RPA3: variants seen among roughly 807,000 people sequenced by gnomAD.
RPA3 encodes replication protein A3.
RPA3 carries 24 observed loss-of-function variants against 13.7 expected under a neutral mutation model. The observed-to-expected ratio is 1.75, with a 90% CI of 1.27 to 2.46. The LOEUF (loss-of-function observed/expected upper bound fraction) is 2.46. Ranked by LOEUF, RPA3 falls within the 30% of genes most tolerant of loss-of-function variation. The pLI is 0.00. For synonymous variants in RPA3, 59 were observed against 51.2 expected (o/e 1.15, Z -0.65); for missense variants, 183 against 151.0 (o/e 1.21, Z -1.11).
intron 4 of RPA3, chr7:7,676,302 T>G: frequency 2.5e-6 from 1 of 395,226 alleles, no homozygotes; most frequent in Non-Finnish European, 4.5e-6. Flanking sequence ...AATAAATGAG[T>G]TAATGTGTGT....
At chr7:7,695,981 G>GTTTT (rs34880729) in intron 2 of RPA3, among the ~76,000 whole-genome samples, 9 of 130,732 alleles carry the variant, frequency 6.9e-5, no homozygotes, top group Non-Finnish European at 1.1e-4. Flanking sequence ...GTATATCTCC[G>GTTTT]TTTTTTTTTT....
intron 4 of RPA3, among the ~76,000 whole-genome samples, chr7:7,644,399 A>T (rs1785049536): frequency 3.4e-5 from 5 of 147,912 alleles, no homozygotes; most frequent in East Asian, 2.0e-4. Context: ...ATAGTTAAAC[A>T]TTTTCCCCCT....
rs1357726400 is a variant in RPA3 at position 7,675,530 on chromosome 7, A to G, written c.-758+10300T>C. Reference sequence around the variant, plus strand: ...TACTATGGATCTCCTTTCCCTTTCCAGGAAAGACTAGTTTAAGAAGTAGTC... The same window carrying G: ...TACTATGGATCTCCTTTCCCTTTCCGGGAAAGACTAGTTTAAGAAGTAGTC... On this transcript the variant is annotated intron_variant, in intron 4 of 7. Transcript: ENST00000223129. Among the ~76,000 whole-genome samples the G allele has an allele frequency of 2.0e-5, 3 of 152,256 alleles. 1 individual carries two copies. The highest frequency in any genetic ancestry group is 6.5e-5 in the Admixed American group (1 of 15,286).
At chr7:7,642,551 A>C (rs1411265735) in intron 4 of RPA3, among the ~76,000 whole-genome samples, 1 of 152,122 alleles carries the variant, frequency 6.6e-6, no homozygotes. Flanking sequence ...GACCACTTTT[A>C]AGCAAAGGCT....
intron 5 of RPA3, among the ~76,000 whole-genome samples, chr7:7,639,659 C>T (rs899915181): frequency 6.6e-6 from 1 of 152,196 alleles, no homozygotes; most frequent in Admixed American, 6.5e-5. Context: ...CCACCTACCA[C>T]TCCTACTCAG....
intron 4 of RPA3, among the ~76,000 whole-genome samples, chr7:7,654,700 C>T (rs775694041): frequency 2.6e-5 from 4 of 151,970 alleles, no homozygotes; most frequent in Admixed American, 2.0e-4. Flanking sequence ...GCTAGGAGTT[C>T]GAGACCAGCC....
chr7:7,713,757 G>T lies in RPA3; in HGVS notation c.-1028+1418C>A, dbSNP rs183535274. Among the ~76,000 whole-genome samples the T allele has an allele frequency of 2.0e-3, 300 of 151,930 alleles. 4 individuals are homozygous for T. Among genetic ancestry groups the T allele is most frequent in the African/African-American group, 7.1e-3 (293 of 41,428 alleles). On this transcript the variant is annotated intron_variant, in intron 2 of 7. Transcript: ENST00000223129. ...CCTGTATTTCCCTTTAAATGCTATT[G>T]AGCAGCTTCCAAATTTTAATTTGTA...
intron 4 of RPA3, among the ~76,000 whole-genome samples, chr7:7,684,664 T>C (rs1337980790): frequency 1.3e-5 from 2 of 152,246 alleles, no homozygotes; most frequent in Non-Finnish European, 2.9e-5. Flanking sequence ...ATTAAATTAA[T>C]TATACAATGT....
At chr7:7,680,048 T>G (rs1268067920) in intron 4 of RPA3, among the ~76,000 whole-genome samples, 1 of 152,098 alleles carries the variant, frequency 6.6e-6, no homozygotes, top group Admixed American at 6.6e-5. Flanking sequence ...TAACTTGATG[T>G]AATCCCATTT....
At chr7:7,690,922 T>G (rs1001515810) in intron 2 of RPA3, among the ~76,000 whole-genome samples, 1 of 152,186 alleles carries the variant, frequency 6.6e-6, no homozygotes, top group African/African-American at 2.4e-5. Flanking sequence ...ATTTTAATGT[T>G]TTAGGTCCAG....
At chr7:7,669,057 T>C (rs1250126912) in intron 4 of RPA3, among the ~76,000 whole-genome samples, 1 of 146,500 alleles carries the variant, frequency 6.8e-6, no homozygotes, top group Non-Finnish European at 1.5e-5. Context: ...TACACATATA[T>C]AGACAGTGGC....
intron 7 of RPA3, among the ~76,000 whole-genome samples, chr7:7,637,448 A>T (rs1227202390): frequency 1.3e-5 from 2 of 152,190 alleles, no homozygotes; most frequent in African/African-American, 4.8e-5. Flanking sequence ...TACATATATA[A>T]GCACTACTTA....
intron 4 of RPA3, among the ~76,000 whole-genome samples, chr7:7,662,161 C>G (rs1331810244): frequency 6.6e-6 from 1 of 152,122 alleles, no homozygotes; most frequent in Non-Finnish European, 1.5e-5. Flanking sequence ...CCCTTCCCCC[C>G]ACCAAGCTCG....
chr7:7,708,240 G>A (rs1463240902), intron 2 of RPA3, among the ~76,000 whole-genome samples: 1 of 152,100 alleles, frequency 6.6e-6, no homozygotes, highest in Non-Finnish European at 1.5e-5. Flanking sequence ...ATTCAAGTGG[G>A]AATTAAGAAT....
intron 4 of RPA3, among the ~76,000 whole-genome samples, chr7:7,644,784 G>A (rs1785058793): frequency 6.6e-6 from 1 of 152,032 alleles, no homozygotes; most frequent in Non-Finnish European, 1.5e-5. Flanking sequence ...CTGTGTTCTC[G>A]GGAATGTCTT....
chr7:7,642,141 G>A (rs568850617), intron 4 of RPA3, among the ~76,000 whole-genome samples: 2 of 151,980 alleles, frequency 1.3e-5, no homozygotes, highest in African/African-American at 4.8e-5. Flanking sequence ...GTCTTTAATA[G>A]CATTTTTTTT....
chr7:7,687,059 C>G (rs1780057343), intron 3 of RPA3, among the ~76,000 whole-genome samples, 169 bp downstream of exon 3: 3 of 152,138 alleles, frequency 2.0e-5, no homozygotes, highest in South Asian at 2.1e-4. Flanking sequence ...TTTGAACTTC[C>G]TTTATGTGAG....
At chr7:7,638,164 C>T (rs1784896059) in intron 6 of RPA3, 192 bp from the exon 7 acceptor site, 9 of 459,574 alleles carry the variant, frequency 2.0e-5, no homozygotes, top group South Asian at 1.8e-4. Context: ...TGTTAAAATT[C>T]CTGCTACCTT....
chr7:7,668,970 C>T (rs1487385368), intron 4 of RPA3, among the ~76,000 whole-genome samples: 1 of 152,040 alleles, frequency 6.6e-6, no homozygotes, highest in Non-Finnish European at 1.5e-5. Context: ...ACCTAATGGA[C>T]ATAGCTTTGG....
Sources: gnomAD v4.1 joint callset for allele counts (sites outside exome capture counted in the v4.1 genomes callset) on GRCh38, gnomAD v4.1.1 for gene constraint, MANE v1.5 for transcripts, NCBI Gene and HGNC (gene_info 2026-07-23, HGNC 2026-07-21) for gene names.